INCENP: variants seen among roughly 807,000 people sequenced by gnomAD.
The protein encoded by INCENP is inner centromere protein, also known as binds and activates aurora-B and -C in vivo and in vitro.
INCENP carries 43 observed loss-of-function variants against 107.3 expected under a neutral mutation model. That is an observed-to-expected ratio of 0.40 (90% CI 0.31 to 0.52). The LOEUF (loss-of-function observed/expected upper bound fraction) is 0.52. Among genes scored for constraint, INCENP ranks in the 20% least tolerant of loss-of-function variants. The pLI is 0.53. For missense variants in INCENP, 1,089 were observed against 1,250.9 expected (o/e 0.87, Z 1.95); for synonymous variants, 488 against 494.4 (o/e 0.99, Z 0.17).
chr11:62,126,093 G>C (rs1943742062), intron 1 of INCENP, among the ~76,000 whole-genome samples: 1 of 152,222 alleles, frequency 6.6e-6, no homozygotes, highest in African/African-American at 2.4e-5. Context: ...AGTCCCATGA[G>C]ACTGAAACCT....
intron 10 of INCENP, 108 bp from the exon 11 acceptor site, chr11:62,141,392 G>A (rs1034782227): frequency 6.3e-6 from 9 of 1,421,756 alleles, no homozygotes; most frequent in African/African-American, 5.6e-5. Flanking sequence ...GCTGGCAGGA[G>A]GGCAGGCCCC....
chr11:62,140,049 A>G (rs1369627956), intron 7 of INCENP, among the ~76,000 whole-genome samples, 185 bp from the exon 8 acceptor site: 1 of 152,092 alleles, frequency 6.6e-6, no homozygotes, highest in Non-Finnish European at 1.5e-5. Flanking sequence ...AAGTGCTTGT[A>G]GATTCCTCAA....
chr11:62,145,967 G>A (rs1329435517), intron 14 of INCENP, among the ~76,000 whole-genome samples: 1 of 152,228 alleles, frequency 6.6e-6, no homozygotes, highest in Non-Finnish European at 1.5e-5. Flanking sequence ...TTAAGTGCTT[G>A]TACTTGGAGC....
intron 11 of INCENP, chr11:62,141,749 G>T: frequency 1.6e-6 from 1 of 607,664 alleles, no homozygotes; most frequent in Non-Finnish European, 2.9e-6. Flanking sequence ...AGGAAGCAAG[G>T]GGGTGTGGCT....
intron 1 of INCENP, among the ~76,000 whole-genome samples, chr11:62,127,749 T>G (rs559294891): frequency 6.6e-5 from 10 of 152,290 alleles, no homozygotes; most frequent in Non-Finnish European, 1.5e-4. Context: ...AGAGCAGGAC[T>G]GTGTTTGGGC....
At chr11:62,141,563 G>C in intron 11 of INCENP, 52 bp downstream of exon 11, 10 of 1,609,128 alleles carry the variant, frequency 6.2e-6, no homozygotes, top group Non-Finnish European at 7.7e-6. Context: ...GCACTCACCC[G>C]CTGTAGCCCC....
At chr11:62,139,059 C>T (rs1944055349) in intron 7 of INCENP, 54 bp downstream of exon 7, 13 of 1,281,886 alleles carry the variant, frequency 1.0e-5, no homozygotes, top group South Asian at 3.5e-5. Context: ...CGGGCCTTGG[C>T]GGCCTCGGCC....
intron 11 of INCENP, among the ~76,000 whole-genome samples, chr11:62,142,281 G>GCCCC (rs919189015): frequency 1.3e-5 from 2 of 152,256 alleles, no homozygotes; most frequent in Non-Finnish European, 1.5e-5. Context: ...GCCTCGGCAG[G>GCCCC]TGAGAGGGGC....
chr11:62,146,844 G>A lies in INCENP; in HGVS notation c.2146G>A (p.Glu716Lys). 6.4e-7 allele frequency: 1 copy of A among 1,567,050 alleles called. No homozygotes were observed. Among genetic ancestry groups the A allele is most frequent in the Non-Finnish European group, 8.7e-7 (1 of 1,155,652 alleles). Residue 716 changes from glutamate (E) to lysine (K), a missense_variant, in exon 15 of 19, where the codon GAG becomes AAG. Physicochemically the swap from Glu to Lys is moderately conservative, Grantham distance 56 (BLOSUM62 1). Coordinates refer to ENST00000394818, the MANE Select transcript of INCENP (RefSeq NM_001040694.2). ...ERREQERREQ[E>K]RQLAEQERRR... Reference sequence around the variant, plus strand: ...GCGGGAGCAGGAGCGGCGCGAGCAGGAGCGACAGCTGGCAGAGCAGGAGCG... The same window carrying A: ...GCGGGAGCAGGAGCGGCGCGAGCAGAAGCGACAGCTGGCAGAGCAGGAGCG...
chr11:62,135,238 G>C (rs1943966791), intron 4 of INCENP, among the ~76,000 whole-genome samples: 1 of 152,068 alleles, frequency 6.6e-6, no homozygotes, highest in Admixed American at 6.6e-5. Context: ...ATTCCACACG[G>C]GTCTACCTTG....
chr11:62,145,602 A>G (rs1944224362), intron 13 of INCENP, 27 bp from the exon 14 acceptor site: 2 of 1,585,508 alleles, frequency 1.3e-6, no homozygotes, highest in East Asian at 2.3e-5. Flanking sequence ...GGGTGCTCCA[A>G]TGGGCATGTG....
At position 62,148,465 on chromosome 11, in the gene INCENP, T is replaced by G; in HGVS notation, c.2205-11T>G. ...ACTTCCTGTCCTAACAGGCTCTTGC[T>G]GGGTCCTCAGGGAGCTGCAGGAGCG... On this transcript the variant is annotated splice_polypyrimidine_tract_variant and intron_variant, in intron 15 of 18. Coordinates refer to ENST00000394818, the MANE Select transcript of INCENP (RefSeq NM_001040694.2). The G allele has an allele frequency of 6.3e-7, 1 of 1,596,694 alleles. No individual in the cohort carries two copies. The highest frequency in any genetic ancestry group is 8.5e-7 in the Non-Finnish European group (1 of 1,172,998).
chr11:62,141,137 G>A (rs1440165720), intron 10 of INCENP, 93 bp downstream of exon 10: 16 of 1,500,056 alleles, frequency 1.1e-5, no homozygotes, highest in Middle Eastern at 1.9e-4. Flanking sequence ...AGTAGTGTGA[G>A]CCTGGGCGGA....
chr11:62,149,664 G>A (rs186972075), intron 17 of INCENP, among the ~76,000 whole-genome samples: 67 of 152,252 alleles, frequency 4.4e-4, no homozygotes, highest in African/African-American at 1.6e-3. Flanking sequence ...GTTCTCGCCT[G>A]TAATCCCAGC....
chr11:62,142,042 G>A (rs879832082), intron 11 of INCENP, among the ~76,000 whole-genome samples: 3 of 152,162 alleles, frequency 2.0e-5, no homozygotes, highest in Admixed American at 6.5e-5. Context: ...GAAACAAGTC[G>A]CAGAAGCTGT....
intron 7 of INCENP, among the ~76,000 whole-genome samples, chr11:62,139,323 A>G (rs1486077981): frequency 6.6e-6 from 1 of 152,112 alleles, no homozygotes. Flanking sequence ...GCCAGTGGGA[A>G]GAGCTGTGGG....
At chr11:62,138,545 G>A (rs1480211547) in intron 5 of INCENP, among the ~76,000 whole-genome samples, 168 bp from the exon 6 acceptor site, 2 of 152,154 alleles carry the variant, frequency 1.3e-5, no homozygotes, top group African/African-American at 2.4e-5. Flanking sequence ...AGCCATTGCC[G>A]GGAGCTGCCA....
Position 62,145,696 on chromosome 11 carries a change from T to C in INCENP, c.1904T>C (p.Val635Ala), listed in dbSNP as rs1165315106. 2 of 1,563,980 alleles carry C rather than the reference T, an allele frequency of 1.3e-6. No individual in the cohort carries two copies. Among genetic ancestry groups the C allele is most frequent in the Admixed American group, 3.8e-5 (2 of 52,284 alleles). Residue 635 changes from valine to alanine, a missense_variant, in exon 14 of 19, where the codon GTG (valine) becomes GCG (alanine). Physicochemically the swap from Val to Ala is moderately conservative, Grantham distance 64. Transcript: ENST00000394818. ...GCGGCGGCCAAGAAGATGGAGGAGG[T>C]GGAAGCACGCAGGAAGCAGGAAGAG... ...KKAAAKKMEEVEARRKQEEEA... is the reference protein window; with the variant it reads ...KKAAAKKMEEAEARRKQEEEA...
At chr11:62,147,038 C>A (rs1944267087) in intron 15 of INCENP, 136 bp downstream of exon 15, 2 of 1,349,016 alleles carry the variant, frequency 1.5e-6, no homozygotes, top group Non-Finnish European at 1.0e-6. Flanking sequence ...CAGAGGCCCA[C>A]CTGAATACAC....
Sources: allele counts gnomAD v4.1 joint callset (sites outside exome capture counted in the v4.1 genomes callset), GRCh38; gene constraint gnomAD v4.1.1; transcripts MANE v1.5; gene names NCBI Gene and HGNC (gene_info 2026-07-23, HGNC 2026-07-21).